TTBK2: variants seen among roughly 807,000 people sequenced by gnomAD.
TTBK2 encodes the protein tau-tubulin kinase 2.
In TTBK2, 28 loss-of-function variants were observed where a neutral mutation model predicts 110.8. That is an observed-to-expected ratio of 0.25 (90% confidence interval 0.19 to 0.35). The LOEUF (loss-of-function observed/expected upper bound fraction) is 0.35. TTBK2 is among the 10% of genes least tolerant of loss of function. The pLI is 1.00. For missense variants in TTBK2, 1,369 were observed against 1,500.3 expected (o/e 0.91, Z 1.45); for synonymous variants, 532 against 527.3 (o/e 1.01, Z -0.12).
intron 13 of TTBK2, among the ~76,000 whole-genome samples, chr15:42,754,758 C>T (rs1164941612): frequency 6.9e-6 from 1 of 145,128 alleles, no homozygotes; most frequent in East Asian, 2.1e-4. Context: ...CCTGTAATCC[C>T]AGCACTTTGG....
At chr15:42,811,147 T>C (rs115589552) in intron 8 of TTBK2, among the ~76,000 whole-genome samples, 1,756 of 152,092 alleles carry the variant, frequency 0.012, 29 homozygotes, top group African/African-American at 0.039. Flanking sequence ...CTTGCCACCA[T>C]GCCCAGCTAA....
intron 1 of TTBK2, among the ~76,000 whole-genome samples, chr15:42,912,063 T>C (rs550927687): frequency 2.6e-4 from 39 of 152,332 alleles, no homozygotes; most frequent in Admixed American, 2.2e-3. Context: ...CTGGGCCACG[T>C]GCGGCCCATG....
Position 42,745,782 on chromosome 15 carries a change from T to C in TTBK2, c.*13A>G, listed in dbSNP as rs907495112. 8.7e-6 allele frequency: 14 copies of C among 1,613,774 alleles called. No individual in the cohort carries two copies. The highest frequency in any genetic ancestry group is 1.2e-5 in the Non-Finnish European group (14 of 1,179,990). ...GAAGATCTCACACCTTTCAAAGAGA[T>C]GCAGCCTGGCTCCTATCTGCTGAGT... On this transcript the variant is annotated 3_prime_UTR_variant, in exon 15 of 15. Transcript: ENST00000267890.
chr15:42,883,514 G>A (rs1009338599), intron 1 of TTBK2, among the ~76,000 whole-genome samples: 2 of 151,544 alleles, frequency 1.3e-5, no homozygotes, highest in Non-Finnish European at 2.9e-5. Context: ...AATATTTAAT[G>A]TAATAACTCT....
Position 42,786,259 on chromosome 15 carries a change from G to A in TTBK2, c.981-2624C>T, listed in dbSNP as rs377097993. The stretch of plus-strand genomic sequence containing the variant: ...AAATCAATAGTTCAGATTTATTATA[G>A]AGATAATTAAAGATCAGAAATAAAC... On this transcript the variant is annotated intron_variant, in intron 10 of 14. Transcript: ENST00000267890. Among the ~76,000 whole-genome samples, 3 of 152,078 alleles carry A rather than the reference G, an allele frequency of 2.0e-5. No individual in the cohort carries two copies. In the East Asian group the frequency reaches 5.8e-4, roughly 29 times the overall value.
At chr15:42,776,026 A>G (rs1442014138) in intron 12 of TTBK2, among the ~76,000 whole-genome samples, 1 of 152,196 alleles carries the variant, frequency 6.6e-6, no homozygotes, top group Non-Finnish European at 1.5e-5. Context: ...AATATGAGCC[A>G]CAACTCAAAA....
At position 42,745,894 on chromosome 15, in the gene TTBK2, G is replaced by T; in HGVS notation, c.3636C>A (p.Ser1212Arg). The T allele has an allele frequency of 6.2e-7, 1 of 1,614,132 alleles. No homozygotes were observed. The highest frequency in any genetic ancestry group is 1.1e-5 in the South Asian group (1 of 91,074). Reference protein sequence around the residue: ...RSCQQEHCKPSKNGLKGSGSL... With the variant: ...RSCQQEHCKPRKNGLKGSGSL... ...TGCCGGATCCTTTCAGGCCATTCTT[G>T]CTGGGTTTGCAATGCTCCTGTTGGC... Residue 1212 changes from serine (S) to arginine (R), a missense_variant, in exon 15 of 15, where the codon AGC becomes AGA. Physicochemically the swap from Ser to Arg is moderately radical, Grantham distance 110. Around this residue, in one of 4 missense-constraint regions of TTBK2, gnomAD observed 1,097 missense variants for 1,114.7 expected, o/e 0.98. Coordinates refer to ENST00000267890, the MANE Select transcript of TTBK2 (RefSeq NM_173500.4).
At chr15:42,913,131 CAA>C (rs61404472) in intron 1 of TTBK2, among the ~76,000 whole-genome samples, 2 of 30,906 alleles carry the variant, frequency 6.5e-5, no homozygotes, top group Admixed American at 3.0e-4. Flanking sequence ...GACTCCGTCT[CAA>C]AAAAAAAAAA....
intron 1 of TTBK2, among the ~76,000 whole-genome samples, chr15:42,916,290 C>T (rs1159892740): frequency 6.6e-6 from 1 of 152,008 alleles, no homozygotes; most frequent in Admixed American, 6.6e-5. Flanking sequence ...TTCCTATTTT[C>T]CTCCCCTCAT....
chr15:42,837,947 C>A (rs570852254), intron 4 of TTBK2, among the ~76,000 whole-genome samples: 1 of 152,256 alleles, frequency 6.6e-6, no homozygotes, highest in South Asian at 2.1e-4. Context: ...GTGGCTCACA[C>A]CTGTAATCCC....
rs929995825 is a variant in TTBK2 at position 42,743,607 on chromosome 15, T to G, written c.*2188A>C. The G allele has an allele frequency of 6.6e-6, 1 of 152,196 alleles. No individual in the cohort carries two copies. Among genetic ancestry groups the G allele is most frequent in the Non-Finnish European group, 1.5e-5 (1 of 68,040 alleles). 9.4% of individuals were successfully genotyped at this position (152,196 alleles called of 1,614,324 possible). A position where few individuals can be genotyped will look rare whatever the true frequency, so the allele number is the denominator to read the frequency against. On this transcript the variant is annotated 3_prime_UTR_variant, in exon 15 of 15. Coordinates refer to ENST00000267890, the MANE Select transcript of TTBK2 (RefSeq NM_173500.4). ...CAATTTTTAAGAAATGTTTTAAAAATCTGTCAGACTCATCATCATCCCAGT... is the reference window on the plus strand; with the variant it reads ...CAATTTTTAAGAAATGTTTTAAAAAGCTGTCAGACTCATCATCATCCCAGT...
rs139892397 is a variant in TTBK2, at chr15:42,795,716, G to A, written c.823-915C>T. ...ACATTAGCCGGGTGTGGTGGTACAC[G>A]CCTGTAATCCCAGCTACTCAGGAGG... On this transcript the variant is annotated intron_variant, in intron 9 of 14. Transcript: ENST00000267890. Among the ~76,000 whole-genome samples, 523 of 151,870 alleles carry A rather than the reference G, an allele frequency of 3.4e-3. 16 individuals are homozygous for A. The East Asian group carries it at 0.081, about 24-fold the overall frequency.
Position 42,801,603 on chromosome 15 carries a change from C to T in TTBK2, c.823-6802G>A, listed in dbSNP as rs761208755. On this transcript the variant is annotated intron_variant, in intron 9 of 14. Coordinates refer to ENST00000267890, the MANE Select transcript of TTBK2 (RefSeq NM_173500.4). Reference sequence around the variant, plus strand: ...TCAGCCTCAGCCTGGCTGCGGTTGGCAATCTCCTCGTACTGCACCTTGACC... The same window carrying T: ...TCAGCCTCAGCCTGGCTGCGGTTGGTAATCTCCTCGTACTGCACCTTGACC... 4 of 789,184 alleles carry T rather than the reference C, an allele frequency of 5.1e-6. No individual in the cohort carries two copies. In the South Asian group the frequency reaches 5.3e-5, roughly 11 times the overall value. The allele number at this position is 789,184 out of a possible 1,614,324, so 48.9% of individuals were successfully genotyped here.
intron 6 of TTBK2, among the ~76,000 whole-genome samples, chr15:42,822,356 AAAAG>A (rs1595950347): frequency 6.6e-6 from 1 of 152,224 alleles, no homozygotes; most frequent in East Asian, 1.9e-4. Flanking sequence ...TTTTGAAAGA[AAAAG>A]AAAGTAAAAA....
intron 4 of TTBK2, among the ~76,000 whole-genome samples, chr15:42,833,189 CA>C (rs1892833244): frequency 7.3e-6 from 1 of 137,804 alleles, no homozygotes; most frequent in Non-Finnish European, 1.5e-5. Flanking sequence ...CATGTACCCC[CA>C]AACCTAAAAT....
At chr15:42,834,595 C>G (rs914231908) in intron 4 of TTBK2, among the ~76,000 whole-genome samples, 2 of 152,106 alleles carry the variant, frequency 1.3e-5, no homozygotes, top group East Asian at 1.9e-4. Context: ...GAAAGAAGCC[C>G]CTGTAGCAAA....
intron 1 of TTBK2, among the ~76,000 whole-genome samples, chr15:42,894,844 A>G (rs1451082691): frequency 1.3e-5 from 2 of 152,212 alleles, no homozygotes; most frequent in African/African-American, 4.8e-5. Context: ...ATCCAGCAAT[A>G]CATAAAACGA....
intron 3 of TTBK2, among the ~76,000 whole-genome samples, chr15:42,866,837 A>G (rs1161516554): frequency 6.6e-6 from 1 of 152,232 alleles, no homozygotes; most frequent in Non-Finnish European, 1.5e-5. Context: ...AAGAACTATC[A>G]TAAGAAGTTT....
Position 42,757,147 on chromosome 15 carries a change from G to A in TTBK2, c.1999-3900C>T, listed in dbSNP as rs183602495. On this transcript the variant is annotated intron_variant, in intron 13 of 14. Transcript: ENST00000267890. ...TTTAGAGACAGAGTCTTGCTTTGTC[G>A]CCCAGGCTAGGTGCAGTGGTGCAAT... 1.1e-3 allele frequency among the ~76,000 whole-genome samples: 160 copies of A among 151,078 alleles called. 2 individuals carry two copies. Among genetic ancestry groups the A allele is most frequent in the Admixed American group, 0.01 (152 of 15,180 alleles).
Sources: allele counts gnomAD v4.1 joint callset (sites outside exome capture counted in the v4.1 genomes callset), GRCh38; gene constraint gnomAD v4.1.1; regional missense constraint gnomAD v4.1.1; transcripts MANE v1.5; gene names NCBI Gene and HGNC (gene_info 2026-07-23, HGNC 2026-07-21).